Variants in DPP3 observed in about 807,000 individuals in gnomAD.
The protein encoded by DPP3 is dipeptidyl peptidase 3, also known as DPP III.
Under a neutral mutation model 89.8 loss-of-function variants are expected in DPP3, and 64 were observed. The ratio of observed to expected loss-of-function variants is 0.71; its 90% CI spans 0.58 to 0.88. DPP3 has a LOEUF of 0.88. DPP3 is among the 40% of genes least tolerant of loss of function. DPP3 has a pLI of 0.00. For missense variants in DPP3, 835 were observed against 972.5 expected (o/e 0.86, Z 1.88); for synonymous variants, 377 against 404.3 (o/e 0.93, Z 0.81).
At chr11:66,496,956 C>A (rs1472890826) in intron 15 of DPP3, among the ~76,000 whole-genome samples, 2 of 152,010 alleles carry the variant, frequency 1.3e-5, no homozygotes, top group Non-Finnish European at 2.9e-5. Context: ...GTTTGGGGAC[C>A]CTGGAGGGGG....
At chr11:66,503,758 G>A (rs920343669) in intron 16 of DPP3, among the ~76,000 whole-genome samples, 1 of 152,064 alleles carries the variant, frequency 6.6e-6, no homozygotes, top group Admixed American at 6.6e-5. Context: ...GTGGTGGCAC[G>A]CACCTGTAGT....
chr11:66,508,562 A>G (rs2134759602), intron 17 of DPP3, among the ~76,000 whole-genome samples: 1 of 152,146 alleles, frequency 6.6e-6, no homozygotes, highest in African/African-American at 2.4e-5. Flanking sequence ...TCTCACTGTC[A>G]CCCAGGCTGG....
intron 15 of DPP3, among the ~76,000 whole-genome samples, chr11:66,496,148 C>G (rs1855529779): frequency 6.6e-6 from 1 of 152,222 alleles, no homozygotes; most frequent in Non-Finnish European, 1.5e-5. Flanking sequence ...AGTGGCAGAG[C>G]CAGGATTCGC....
chr11:66,500,955 G>A (rs546323839), intron 16 of DPP3, among the ~76,000 whole-genome samples: 9 of 152,028 alleles, frequency 5.9e-5, no homozygotes, highest in African/African-American at 1.4e-4. Context: ...TTGGGAGGCC[G>A]AGGCAGGCAG....
chr11:66,491,558 G>C lies in DPP3; in HGVS notation c.863G>C (p.Gly288Ala), dbSNP rs757504855. 2 of 1,613,800 alleles carry C rather than the reference G, an allele frequency of 1.2e-6. No individual in the cohort carries two copies. The highest frequency in any genetic ancestry group is 4.5e-5 in the East Asian group (2 of 44,856). Residue 288 changes from glycine (G) to alanine (A), a missense_variant, in exon 8 of 18, where the codon GGC becomes GCC. By Grantham distance (60) the Gly-to-Ala change is moderately conservative (BLOSUM62 0). Coordinates refer to ENST00000531863, the MANE Select transcript of DPP3 (RefSeq NM_130443.4). The part of the protein sequence containing the change: ...LAQYIESFTQ[G>A]SIEAHKRGSR... ...CAGTATATAGAGAGCTTCACCCAGGGCTCCATCGAGGCCCACAAGAGGGGC... is the reference window on the plus strand; with the variant it reads ...CAGTATATAGAGAGCTTCACCCAGGCCTCCATCGAGGCCCACAAGAGGGGC...
rs1184593110 is a variant in DPP3, at chr11:66,482,586, A to G, written c.270+116A>G. On this transcript the variant is annotated intron_variant, in intron 2 of 17. Transcript: ENST00000531863. ...TGGAGGATTAGACCAAAGGTTACAA[A>G]TTCAGGCACTTCCCCTCTCTGGAGC... 2.8e-6 allele frequency: 4 copies of G among 1,420,580 alleles called. No individual in the cohort carries two copies. The African/African-American group carries it at 5.7e-5, about 20-fold the overall frequency. 88.0% of individuals were successfully genotyped at this position (1,420,580 alleles called of 1,614,324 possible). A position where few individuals can be genotyped will look rare whatever the true frequency, so the allele number is the denominator to read the frequency against.
intron 16 of DPP3, among the ~76,000 whole-genome samples, chr11:66,498,223 A>G (rs1473806626): frequency 6.6e-6 from 1 of 152,124 alleles, no homozygotes; most frequent in African/African-American, 2.4e-5. Flanking sequence ...CCTCCCGAGT[A>G]GCAGGGACTA....
intron 2 of DPP3, among the ~76,000 whole-genome samples, chr11:66,484,435 C>G (rs759816745): frequency 1.3e-5 from 2 of 152,094 alleles, no homozygotes; most frequent in Non-Finnish European, 2.9e-5. Context: ...GGGATGCAGT[C>G]TTCGTCTCTC....
chr11:66,482,662 G>T (rs147041520), intron 2 of DPP3, among the ~76,000 whole-genome samples, 192 bp downstream of exon 2: 4 of 152,352 alleles, frequency 2.6e-5, no homozygotes, highest in African/African-American at 9.6e-5. Flanking sequence ...GTACCTCTTA[G>T]TGTTGTGATG....
At chr11:66,508,788 G>A (rs1726617754) in intron 17 of DPP3, among the ~76,000 whole-genome samples, 1 of 152,082 alleles carries the variant, frequency 6.6e-6, no homozygotes, top group South Asian at 2.1e-4. Flanking sequence ...GCCTACCAAG[G>A]TGCTAGGATT....
chr11:66,489,182 C>T (rs928873035), intron 6 of DPP3, among the ~76,000 whole-genome samples: 1 of 152,148 alleles, frequency 6.6e-6, no homozygotes, highest in Admixed American at 6.6e-5. Context: ...CAGGTCTTTG[C>T]ACAATCCATT....
chr11:66,484,106 T>C (rs1377866394), intron 2 of DPP3, among the ~76,000 whole-genome samples: 1 of 151,962 alleles, frequency 6.6e-6, no homozygotes, highest in Non-Finnish European at 1.5e-5. Flanking sequence ...GCCTCCTGAG[T>C]AGCTGGTATT....
chr11:66,506,224 T>A (rs1855797299), intron 17 of DPP3, among the ~76,000 whole-genome samples: 1 of 151,916 alleles, frequency 6.6e-6, no homozygotes, highest in Non-Finnish European at 1.5e-5. Context: ...AGTGCTGGGA[T>A]TACAGGCGTG....
At chr11:66,506,587 A>T (rs1212318498) in intron 17 of DPP3, among the ~76,000 whole-genome samples, 1 of 151,822 alleles carries the variant, frequency 6.6e-6, no homozygotes, top group Admixed American at 6.6e-5. Flanking sequence ...CTCATTCTAG[A>T]TGCTTTTCCA....
At chr11:66,483,019 C>CTTTTTTTTTTTTTTTTTTTTTTTT (rs201088116) in intron 2 of DPP3, 1 of 139,818 alleles carries the variant, frequency 7.2e-6, no homozygotes. Context: ...CTTTCTCTCT[C>CTTTTTTTTTTTTTTTTTTTTTTTT]TTTTTTATTT....
chr11:66,488,565 GAAA>G (rs1040646975), intron 6 of DPP3, among the ~76,000 whole-genome samples: 1 of 104,416 alleles, frequency 9.6e-6, no homozygotes, highest in Non-Finnish European at 1.9e-5. Flanking sequence ...CCAGATCAAG[GAAA>G]AAAAAAAAAA....
Position 66,492,877 on chromosome 11 carries a change from TCCGGCATCCCTG to T in DPP3, c.1159_1170del (p.Pro387_Ile390del), listed in dbSNP as rs1185076173. 7 of 1,613,496 alleles carry T rather than the reference TCCGGCATCCCTG, an allele frequency of 4.3e-6. No individual in the cohort carries two copies. The highest frequency in any genetic ancestry group is 1.1e-5 in the South Asian group (1 of 91,048). ...CCTGGATGTTCTCACCTTCGCTGGC[TCCGGCATCCCTG>T]CCGGCATCAACATCCCCAACTGTGA... On this transcript the variant is annotated inframe_deletion, in exon 10 of 18. Coordinates refer to ENST00000531863, the MANE Select transcript of DPP3 (RefSeq NM_130443.4).
Position 66,497,566 on chromosome 11 carries a change from A to C in DPP3, c.1878+89A>C, listed in dbSNP as rs531792780. 3.3e-4 allele frequency: 495 copies of C among 1,486,810 alleles called. 2 individuals are homozygous for C. The highest frequency in any genetic ancestry group is 3.0e-3 in the Middle Eastern group (17 of 5,616). The allele number at this position is 1,486,810 out of a possible 1,614,324, so 92.1% of individuals were successfully genotyped here. A position where few individuals can be genotyped will look rare whatever the true frequency, so the allele number is the denominator to read the frequency against. On this transcript the variant is annotated intron_variant, in intron 16 of 17. Transcript: ENST00000531863. ...CAGGCACGGAGAATAAGCTGTGAGC[A>C]GTTTCTTATGCTGCAGTGAGGAAAG...
chr11:66,487,392 G>T (rs1052357850), intron 5 of DPP3, 50 bp downstream of exon 5: 1 of 1,581,780 alleles, frequency 6.3e-7, no homozygotes. Flanking sequence ...GGGGTTCCTA[G>T]TCCCAGCCCC....
Sources: allele counts gnomAD v4.1 joint callset (sites outside exome capture counted in the v4.1 genomes callset), GRCh38; gene constraint gnomAD v4.1.1; transcripts MANE v1.5; gene names NCBI Gene and HGNC (gene_info 2026-07-23, HGNC 2026-07-21).